The following DTNA variants were observed in gnomAD, a reference collection of about 807,000 sequenced individuals.
DTNA encodes dystrobrevin alpha.
Under a neutral mutation model 100.7 loss-of-function variants are expected in DTNA, and 43 were observed. The observed-to-expected ratio is 0.43, with a 90% confidence interval of 0.33 to 0.55. The LOEUF (loss-of-function observed/expected upper bound fraction) is 0.55, where lower values mean the gene tolerates loss of function less well. DTNA is among the 20% of genes least tolerant of loss of function. DTNA has a pLI of 0.04. For missense variants in DTNA, 798 were observed against 953.9 expected (o/e 0.84, Z 2.15); for synonymous variants, 349 against 347.9 (o/e 1.00, Z -0.04).
At chr18:34,841,891 T>C (rs1017449499) in intron 13 of DTNA, among the ~76,000 whole-genome samples, 9 of 152,208 alleles carry the variant, frequency 5.9e-5, no homozygotes, top group Non-Finnish European at 1.2e-4. Flanking sequence ...GAAACTGACT[T>C]ATTTGTAATA....
At chr18:34,866,755 C>T in intron 17 of DTNA, 3 of 990,102 alleles carry the variant, frequency 3.0e-6, no homozygotes, top group Non-Finnish European at 3.6e-6. Flanking sequence ...CTTTTTGGCT[C>T]TTCCCCAAAG....
intron 10 of DTNA, chr18:34,829,198 C>A (rs965075382): frequency 1.3e-6 from 2 of 1,583,388 alleles, no homozygotes; most frequent in African/African-American, 1.4e-5. Context: ...CATTTTCAGT[C>A]ATTTTGGAAT....
rs535353402 is a variant in DTNA at position 34,889,508 on chromosome 18, G to A, written c.*1774G>A. On this transcript the variant is annotated 3_prime_UTR_variant, in exon 23 of 23. Coordinates refer to ENST00000444659, the MANE Select transcript of DTNA (RefSeq NM_001386795.1). The stretch of plus-strand genomic sequence containing the variant: ...GGTTCTGTGATTCACTTTTGCTTCT[G>A]GGGCTGGCAAAAACCTTCTCTGAAC... 2 of 985,380 alleles carry A rather than the reference G, an allele frequency of 2.0e-6. No individual in the cohort carries two copies. The highest frequency in any genetic ancestry group is 6.1e-5 in the Admixed American group (1 of 16,280). 61.0% of individuals were successfully genotyped at this position (985,380 alleles called of 1,614,324 possible). A position where few individuals can be genotyped will look rare whatever the true frequency, so the allele number is the denominator to read the frequency against.
At chr18:34,642,583 G>A (rs760411020) in intron 1 of DTNA, among the ~76,000 whole-genome samples, 9 of 146,278 alleles carry the variant, frequency 6.2e-5, no homozygotes, top group African/African-American at 1.8e-4. Flanking sequence ...TTCTTTCAAC[G>A]GAGTCTCGCT....
intron 1 of DTNA, among the ~76,000 whole-genome samples, chr18:34,627,970 G>A (rs954595908): frequency 6.6e-6 from 1 of 152,016 alleles, no homozygotes; most frequent in African/African-American, 2.4e-5. Context: ...TGTTGTTGGG[G>A]GGTAGAGATG....
chr18:34,800,349 A>G (rs1568565757), intron 4 of DTNA, among the ~76,000 whole-genome samples: 3 of 152,222 alleles, frequency 2.0e-5, no homozygotes, highest in African/African-American at 7.2e-5. Flanking sequence ...TATCTCCAAC[A>G]TGTTGTGAGC....
intron 1 of DTNA, among the ~76,000 whole-genome samples, chr18:34,750,040 C>G (rs2092153190): frequency 6.6e-6 from 1 of 152,104 alleles, no homozygotes. Context: ...GGGAGTGCAG[C>G]AGTTGGGGAT....
intron 1 of DTNA, among the ~76,000 whole-genome samples, chr18:34,549,759 A>G (rs2045204071): frequency 6.6e-6 from 1 of 152,038 alleles, no homozygotes. Flanking sequence ...ATATTAGATG[A>G]GATTTTTTAT....
chr18:34,879,448 C>A, intron 19 of DTNA, 103 bp from the exon 20 acceptor site: 1 of 1,154,714 alleles, frequency 8.7e-7, no homozygotes, highest in Non-Finnish European at 1.3e-6. Context: ...AACTGGTTAA[C>A]ATTTTACACA....
chr18:34,782,833 G>A (rs1298479443), intron 3 of DTNA, among the ~76,000 whole-genome samples: 1 of 152,176 alleles, frequency 6.6e-6, no homozygotes, highest in Admixed American at 6.5e-5. Context: ...GAACGGCATG[G>A]CCAGAGCAGA....
intron 4 of DTNA, among the ~76,000 whole-genome samples, chr18:34,798,223 C>A (rs896738945): frequency 6.6e-6 from 1 of 152,164 alleles, no homozygotes; most frequent in Non-Finnish European, 1.5e-5. Context: ...TGGTCTTGAA[C>A]TCCTGGGCTC....
intron 3 of DTNA, among the ~76,000 whole-genome samples, chr18:34,787,487 T>C (rs1395642455): frequency 1.3e-5 from 2 of 152,228 alleles, no homozygotes; most frequent in Non-Finnish European, 2.9e-5. Flanking sequence ...CTTGAAGTTG[T>C]CTTTTTGATA....
chr18:34,655,774 C>T (rs16965746), intron 1 of DTNA, among the ~76,000 whole-genome samples: 2,191 of 152,252 alleles, frequency 0.014, 41 homozygotes, highest in African/African-American at 0.047. Flanking sequence ...TATTTGAGCA[C>T]AATAAAACTC....
intron 13 of DTNA, among the ~76,000 whole-genome samples, chr18:34,843,151 T>TA (rs377190948): frequency 2.6e-5 from 4 of 152,102 alleles, no homozygotes; most frequent in Admixed American, 6.6e-5. Context: ...TTTTACTATT[T>TA]AAAAAAATCA....
chr18:34,685,751 T>G (rs1221407393), intron 1 of DTNA, among the ~76,000 whole-genome samples: 1 of 152,246 alleles, frequency 6.6e-6, no homozygotes, highest in Non-Finnish European at 1.5e-5. Context: ...TTCACAATAT[T>G]GATTCTTCCT....
At chr18:34,731,246 G>C (rs935249376) in intron 1 of DTNA, among the ~76,000 whole-genome samples, 1 of 152,128 alleles carries the variant, frequency 6.6e-6, no homozygotes, top group Admixed American at 6.5e-5. Flanking sequence ...TTGGGAGGCC[G>C]AGGCGGGTGG....
At chr18:34,622,296 T>C (rs1354216672) in intron 1 of DTNA, among the ~76,000 whole-genome samples, 1 of 151,748 alleles carries the variant, frequency 6.6e-6, no homozygotes, top group Non-Finnish European at 1.5e-5. Context: ...AGTAGGGAGG[T>C]GGAGAGATCA....
At chr18:34,612,238 G>A (rs971869337) in intron 1 of DTNA, among the ~76,000 whole-genome samples, 2 of 152,156 alleles carry the variant, frequency 1.3e-5, no homozygotes. Context: ...CCTGGACCTT[G>A]AGCCTAGGAC....
At chr18:34,661,054 A>G (rs1271604112) in intron 1 of DTNA, among the ~76,000 whole-genome samples, 2 of 152,320 alleles carry the variant, frequency 1.3e-5, no homozygotes, top group African/African-American at 4.8e-5. Flanking sequence ...AACAACTATT[A>G]TGATATCTAT....
Sources: allele counts gnomAD v4.1 joint callset (sites outside exome capture counted in the v4.1 genomes callset), GRCh38; gene constraint gnomAD v4.1.1; transcripts MANE v1.5; gene names NCBI Gene and HGNC (gene_info 2026-07-23, HGNC 2026-07-21).